PAN3: variants seen among roughly 807,000 people sequenced by gnomAD.
The protein encoded by PAN3 is PAN2-PAN3 deadenylation complex subunit PAN3.
In PAN3, 19 loss-of-function variants were observed where a neutral mutation model predicts 96.2. The observed-to-expected ratio is 0.20, with a 90% CI of 0.14 to 0.29. PAN3 has a LOEUF of 0.29. Among genes scored for constraint, PAN3 ranks in the 10% least tolerant of loss-of-function variants. PAN3 has a pLI of 1.00. For missense variants in PAN3, 882 were observed against 1,108.1 expected (o/e 0.80, Z 2.90); for synonymous variants, 433 against 406.6 (o/e 1.06, Z -0.78).
Position 28,197,295 on chromosome 13 carries a change from A to T in PAN3, c.801A>T (p.Gly267=). ...IGCLADRCKS[G]VPINMVWWNR... is the part of the protein sequence containing the mutation. ...GCCTTGCTGACAGGTGTAAATCAGG[A>T]GTACCCATCAATATGGTTTGGTGGA... The change falls in exon 5 of 19, where the codon GGA becomes GGT. Residue 267 remains glycine, a synonymous_variant. Transcript: ENST00000380958. 1 of 1,611,960 alleles carries T rather than the reference A, an allele frequency of 6.2e-7. No individual in the cohort carries two copies. The highest frequency in any genetic ancestry group is 8.5e-7 in the Non-Finnish European group (1 of 1,178,962).
At chr13:28,238,725 A>G (rs1299032873) in intron 6 of PAN3, among the ~76,000 whole-genome samples, 1 of 152,210 alleles carries the variant, frequency 6.6e-6, no homozygotes, top group Non-Finnish European at 1.5e-5. Flanking sequence ...AGTCTAATTC[A>G]TACAAAAGGA....
intron 10 of PAN3, 80 bp from the exon 11 acceptor site, chr13:28,267,015 T>C (rs1886240101): frequency 7.2e-6 from 10 of 1,386,658 alleles, no homozygotes; most frequent in South Asian, 2.9e-5. Flanking sequence ...TGTATAAATA[T>C]GGCAATTTTT....
chr13:28,232,642 TA>T (rs1380112409), intron 6 of PAN3: 1 of 151,814 alleles, frequency 6.6e-6, no homozygotes, highest in East Asian at 1.9e-4. Context: ...GATTAAAAAA[TA>T]AAAAATTTAT....
intron 18 of PAN3, among the ~76,000 whole-genome samples, chr13:28,289,646 C>T (rs1869466602): frequency 6.6e-6 from 1 of 152,192 alleles, no homozygotes; most frequent in East Asian, 1.9e-4. Context: ...CTTTGGGAGG[C>T]CACGGCGGGC....
chr13:28,186,700 C>T (rs562905593), intron 4 of PAN3, among the ~76,000 whole-genome samples: 1 of 152,258 alleles, frequency 6.6e-6, no homozygotes, highest in East Asian at 1.9e-4. Flanking sequence ...GACATTCTGG[C>T]AGCTACATAG....
chr13:28,171,455 T>C (rs1874295404), intron 1 of PAN3, among the ~76,000 whole-genome samples: 1 of 152,190 alleles, frequency 6.6e-6, no homozygotes. Context: ...TGCTCTCCAC[T>C]TCAGATACCA....
chr13:28,254,828 A>T (rs1019086818), intron 6 of PAN3, among the ~76,000 whole-genome samples: 4 of 152,106 alleles, frequency 2.6e-5, no homozygotes, highest in Non-Finnish European at 5.9e-5. Context: ...AAGTAGGAGT[A>T]CTAGATTGGG....
intron 1 of PAN3, among the ~76,000 whole-genome samples, chr13:28,151,587 A>G (rs1418556705): frequency 6.6e-6 from 1 of 152,094 alleles, no homozygotes; most frequent in Non-Finnish European, 1.5e-5. Flanking sequence ...CCAGCAAGAG[A>G]TGATGAGATG....
At chr13:28,219,471 G>T (rs1320203508) in intron 5 of PAN3, among the ~76,000 whole-genome samples, 1 of 152,066 alleles carries the variant, frequency 6.6e-6, no homozygotes, top group Non-Finnish European at 1.5e-5. Context: ...GCCTCCTGTG[G>T]AAATTTAATG....
Position 28,220,464 on chromosome 13 carries a change from A to AT in PAN3, c.1000+87dup, listed in dbSNP as rs1881284132. 3 of 1,432,416 alleles carry AT rather than the reference A, an allele frequency of 2.1e-6. No homozygotes were observed. The African/African-American group carries it at 4.3e-5, about 20-fold the overall frequency. 88.7% of individuals were successfully genotyped at this position (1,432,416 alleles called of 1,614,324 possible). On this transcript the variant is annotated intron_variant, in intron 6 of 18. Transcript: ENST00000380958. The stretch of plus-strand genomic sequence containing the variant: ...ATTAATTTATCAGAACTGAAATTGT[A>AT]TACTTGAATGATTCACATTTGAACA...
intron 6 of PAN3, among the ~76,000 whole-genome samples, chr13:28,244,802 C>T (rs531987212): frequency 6.6e-6 from 1 of 151,494 alleles, no homozygotes; most frequent in East Asian, 1.9e-4. Flanking sequence ...TTTTTTTCCC[C>T]CACATAGATA....
chr13:28,141,454 CT>C (rs1171413517), intron 1 of PAN3, among the ~76,000 whole-genome samples: 1 of 123,912 alleles, frequency 8.1e-6, no homozygotes, highest in Non-Finnish European at 1.7e-5. Context: ...TTTTCTTTTT[CT>C]TTTTTTCTTT....
chr13:28,188,583 A>T (rs1011182926), intron 4 of PAN3, among the ~76,000 whole-genome samples: 1 of 152,034 alleles, frequency 6.6e-6, no homozygotes, highest in Admixed American at 6.6e-5. Context: ...CCTGGGCAAC[A>T]GAAGACTGTC....
At chr13:28,189,766 T>C (rs906856950) in intron 4 of PAN3, among the ~76,000 whole-genome samples, 2 of 152,172 alleles carry the variant, frequency 1.3e-5, no homozygotes, top group Non-Finnish European at 2.9e-5. Flanking sequence ...GGAGCGTCTT[T>C]AGAAACACAG....
chr13:28,281,766 C>CT lies in PAN3; in HGVS notation c.2384+407dup, dbSNP rs10707261. ...GCCTCTTACCTTCTATTAAAGCACA[C>CT]TTTTTTTTTTTTTTTTTTTTCTTGA... is the stretch of plus-strand genomic sequence containing the variant. On this transcript the variant is annotated intron_variant, in intron 17 of 18. Transcript: ENST00000380958. Among the ~76,000 whole-genome samples, 69 of 114,912 alleles carry CT rather than the reference C, an allele frequency of 6.0e-4. No individual in the cohort carries two copies. In the Middle Eastern group the frequency reaches 0.014, roughly 24 times the overall value. 75.4% of individuals were successfully genotyped at this position (114,912 alleles called of 152,430 possible). A position where few individuals can be genotyped will look rare whatever the true frequency, so the allele number is the denominator to read the frequency against.
At chr13:28,291,996 T>C (rs1869813483) in intron 18 of PAN3, among the ~76,000 whole-genome samples, 1 of 152,126 alleles carries the variant, frequency 6.6e-6, no homozygotes, top group South Asian at 2.1e-4. Flanking sequence ...TTATTATTAA[T>C]ATTTATACTT....
intron 4 of PAN3, among the ~76,000 whole-genome samples, chr13:28,194,536 T>C (rs2138216242): frequency 6.7e-6 from 1 of 148,266 alleles, no homozygotes; most frequent in Non-Finnish European, 1.5e-5. Flanking sequence ...AGTGGCGTGA[T>C]CTCGGCTCAA....
intron 5 of PAN3, among the ~76,000 whole-genome samples, chr13:28,205,142 C>T (rs1266622909): frequency 1.3e-5 from 2 of 151,712 alleles, no homozygotes; most frequent in Non-Finnish European, 2.9e-5. Context: ...GATTTACTTC[C>T]GTCTTTACTC....
At chr13:28,215,551 A>G in intron 5 of PAN3, 1 of 703,062 alleles carries the variant, frequency 1.4e-6, no homozygotes, top group Non-Finnish European at 2.5e-6. Flanking sequence ...ATTATTCTGA[A>G]CCATTCAGGC....
Sources: allele counts gnomAD v4.1 joint callset (sites outside exome capture counted in the v4.1 genomes callset), GRCh38; gene constraint gnomAD v4.1.1; transcripts MANE v1.5; gene names NCBI Gene and HGNC (gene_info 2026-07-23, HGNC 2026-07-21).